Variants in TNFAIP3 observed in about 807,000 individuals in gnomAD.
TNFAIP3 encodes TNF alpha induced protein 3.
In TNFAIP3, 9 loss-of-function variants were observed where a neutral mutation model predicts 72.4. The ratio of observed to expected loss-of-function variants is 0.12; its 90% CI spans 0.07 to 0.22. The LOEUF (loss-of-function observed/expected upper bound fraction) is 0.22. TNFAIP3 is among the 10% of genes least tolerant of loss of function. The pLI, the probability that TNFAIP3 is intolerant of heterozygous loss-of-function variation, is 1.00. For missense variants in TNFAIP3, 833 were observed against 1,018.7 expected (o/e 0.82, Z 2.48); for synonymous variants, 339 against 372.6 (o/e 0.91, Z 1.04).
In TNFAIP3 at chr6:137,878,770, C is replaced by G. The variant is rs894381079; in HGVS notation, c.1325C>G (p.Ala442Gly). Residue 442 changes from alanine (A) to glycine (G), a missense_variant, in exon 7 of 9, where the codon GCC becomes GGC. Physicochemically the swap from Ala to Gly is moderately conservative, Grantham distance 60. Transcript: ENST00000612899. ...GMALGASRGE[A>G]YEPLAWNPEE... ...GCGCTCGGGGCCTCTCGGGGAGAAG[C>G]CTATGAGCCCTTGGCGTGGAACCCT... is the stretch of plus-strand genomic sequence containing the variant. 1 of 1,614,116 alleles carries G rather than the reference C, an allele frequency of 6.2e-7. No homozygotes were observed. The highest frequency in any genetic ancestry group is 8.5e-7 in the Non-Finnish European group (1 of 1,180,040).
At position 137,879,362 on chromosome 6, in the gene TNFAIP3, T is replaced by G; in HGVS notation, c.1906+11T>G. ...ACAGAGAAAACAAACGTGAGTGAAG[T>G]GGTTGACTTCCTAACACAGCGGCTG... On this transcript the variant is annotated intron_variant, in intron 7 of 8. Coordinates refer to ENST00000612899, the MANE Select transcript of TNFAIP3 (RefSeq NM_001270508.2). 6.2e-7 allele frequency: 1 copy of G among 1,606,300 alleles called. No homozygotes were observed. Among genetic ancestry groups the G allele is most frequent in the Non-Finnish European group, 8.5e-7 (1 of 1,174,614 alleles).
Position 137,880,123 on chromosome 6 carries a change from C to T in TNFAIP3, c.1959C>T (p.Asn653=), listed in dbSNP as rs1215595558. The T allele has an allele frequency of 1.9e-6, 3 of 1,614,030 alleles. No individual in the cohort carries two copies. Among genetic ancestry groups the T allele is most frequent in the Admixed American group, 1.7e-5 (1 of 60,004 alleles). Residue 653 remains asparagine (N), a synonymous_variant, in exon 8 of 9, where the codon AAC becomes AAT. Transcript: ENST00000612899. The part of the protein sequence containing the change: ...KVSPTASRFQ[N]TIPCLGRECG... ...GTCCCACAGCGTCCAGGTTCCAGAA[C>T]ACCATTCCGTGCCTGGGGAGGGAAT...
At position 137,879,282 on chromosome 6, in the gene TNFAIP3, G is replaced by A. The variant is rs778025601; in HGVS notation, c.1837G>A (p.Val613Met). ...GAGCAAGTGCAGAAAAGCCGGCTGC[G>A]TGTATTTTGGGACTCCAGAAAACAA... ...GTSKCRKAGC[V>M]YFGTPENKGF... The change falls in exon 7 of 9, where the codon GTG becomes ATG. Residue 613 changes from valine to methionine, a missense_variant. This residue lies in a region of TNFAIP3 where 587 missense variants were observed against 657.8 expected (regional missense o/e 0.89). Transcript: ENST00000612899. 29 of 1,614,114 alleles carry A rather than the reference G, an allele frequency of 1.8e-5. No individual in the cohort carries two copies. The highest frequency in any genetic ancestry group is 5.3e-5 in the African/African-American group (4 of 74,938).
At chr6:137,869,691 G>A (rs191024261) in intron 1 of TNFAIP3, among the ~76,000 whole-genome samples, 1 of 152,308 alleles carries the variant, frequency 6.6e-6, no homozygotes, top group East Asian at 1.9e-4. Context: ...TATCAATGGT[G>A]TTGAGAGTCT....
At chr6:137,879,632 G>A (rs567245436) in intron 7 of TNFAIP3, among the ~76,000 whole-genome samples, 1 of 152,302 alleles carries the variant, frequency 6.6e-6, no homozygotes, top group South Asian at 2.1e-4. Context: ...AGACCATTCA[G>A]GTCTGGCATA....
chr6:137,878,127 T>C (rs958062752), intron 6 of TNFAIP3, among the ~76,000 whole-genome samples: 12 of 152,246 alleles, frequency 7.9e-5, no homozygotes, highest in African/African-American at 2.9e-4. Context: ...TTCTTAGCCC[T>C]TGTTTTAGAA....
intron 6 of TNFAIP3, among the ~76,000 whole-genome samples, chr6:137,877,693 T>C (rs984746835): frequency 3.3e-5 from 5 of 152,228 alleles, no homozygotes; most frequent in African/African-American, 4.8e-5. Flanking sequence ...TGTAGAATTG[T>C]TTATGTTGCA....
At position 137,879,047 on chromosome 6, in the gene TNFAIP3, G is replaced by T; in HGVS notation, c.1602G>T (p.Gly534=). Residue 534 remains glycine, a synonymous_variant, in exon 7 of 9, where the codon GGG becomes GGT. Transcript: ENST00000612899. ...AGGATGTTACCAGGACATTTAATGG[G>T]ATCTGCAGTACTTGCTTCAAAAGGA... ...CLQDVTRTFN[G]ICSTCFKRTT... is the part of the protein sequence containing the mutation. 1 of 1,614,220 alleles carries T rather than the reference G, an allele frequency of 6.2e-7. No homozygotes were observed. Among genetic ancestry groups the T allele is most frequent in the Non-Finnish European group, 8.5e-7 (1 of 1,180,046 alleles).
rs763827898 is a variant in TNFAIP3, at chr6:137,877,082, G to A, written c.812G>A (p.Arg271Gln). The part of the protein sequence containing the change: ...VTLKDSGPEI[R>Q]AVPLVNRDRG... Reference sequence around the variant, plus strand: ...GTATTATTTTTTTCCTTAGAAATCCGAGCTGTTCCACTTGTTAACAGAGAC... The same window carrying A: ...GTATTATTTTTTTCCTTAGAAATCCAAGCTGTTCCACTTGTTAACAGAGAC... Residue 271 changes from arginine (R) to glutamine (Q), a missense_variant, in exon 6 of 9, where the codon CGA (arginine) becomes CAA (glutamine). Around this residue, in one of 2 missense-constraint regions of TNFAIP3, gnomAD observed 246 missense variants for 360.9 expected, o/e 0.68. Coordinates refer to ENST00000612899, the MANE Select transcript of TNFAIP3 (RefSeq NM_001270508.2). 1.4e-5 allele frequency: 23 copies of A among 1,593,362 alleles called. No homozygotes were observed. Among genetic ancestry groups the A allele is most frequent in the Non-Finnish European group, 1.7e-5 (20 of 1,168,848 alleles).
chr6:137,875,850 G>C lies in TNFAIP3; in HGVS notation c.634+15G>C, dbSNP rs531456508. The C allele has an allele frequency of 6.2e-7, 1 of 1,614,126 alleles. No individual in the cohort carries two copies. The highest frequency in any genetic ancestry group is 1.1e-5 in the South Asian group (1 of 91,070). The stretch of plus-strand genomic sequence containing the variant: ...TGTCATTTCAGGTGAGATGCCTGCA[G>C]ATCACGGATCTGTACTTAAATGCTT... On this transcript the variant is annotated intron_variant, in intron 4 of 8. Transcript: ENST00000612899.
chr6:137,873,460 T>C (rs776328502), intron 2 of TNFAIP3, among the ~76,000 whole-genome samples: 2 of 152,172 alleles, frequency 1.3e-5, no homozygotes, highest in Non-Finnish European at 2.9e-5. Flanking sequence ...CCACACCCAC[T>C]TGGAAAGTCC....
intron 5 of TNFAIP3, among the ~76,000 whole-genome samples, chr6:137,876,646 C>G (rs1776258377): frequency 6.6e-6 from 1 of 152,180 alleles, no homozygotes; most frequent in African/African-American, 2.4e-5. Context: ...AAGCACTGTG[C>G]TTTGGAAATA....
intron 6 of TNFAIP3, among the ~76,000 whole-genome samples, chr6:137,877,876 T>G (rs1388698567): frequency 1.3e-5 from 2 of 152,172 alleles, no homozygotes; most frequent in African/African-American, 4.8e-5. Context: ...ATGTGGAGAT[T>G]AGCAAATTAC....
upstream of TNFAIP3, chr6:137,867,147 G>A (rs1775864090): frequency 1.3e-5 from 2 of 151,676 alleles, no homozygotes; most frequent in East Asian, 3.9e-4. This position sits in a 1 kb window ranked among gnomAD's most constrained non-coding sequence, Gnocchi z 6.0. Context: ...TCTGGCGGCC[G>A]GCTGGACGCA....
At chr6:137,876,864 G>C (rs1198264382) in intron 5 of TNFAIP3, among the ~76,000 whole-genome samples, 1 of 152,094 alleles carries the variant, frequency 6.6e-6, no homozygotes, top group Admixed American at 6.5e-5. Context: ...ACCACCTCCA[G>C]GCTGGTTAAT....
intron 1 of TNFAIP3, among the ~76,000 whole-genome samples, chr6:137,870,207 C>T (rs1383206533): frequency 1.3e-5 from 2 of 152,154 alleles, no homozygotes; most frequent in Non-Finnish European, 2.9e-5. Context: ...ATTTCATTGG[C>T]AGTTGAGTTA....
rs746202796 is a variant in TNFAIP3, at chr6:137,871,562, A to T, written c.295+40A>T. ...GTTGTGTTTCTTTTGCCTGGGTGAT[A>T]GCTCCCGCCTGCTGGATCCCCATTC... On this transcript the variant is annotated intron_variant, in intron 2 of 8. Transcript: ENST00000612899. The surrounding 1 kb of genome is among the most constrained non-coding windows in gnomAD (Gnocchi z 4.2). The T allele has an allele frequency of 3.8e-6, 6 of 1,595,718 alleles. No individual in the cohort carries two copies. The South Asian group carries it at 6.7e-5, about 18-fold the overall frequency.
chr6:137,878,765 A>G lies in TNFAIP3; in HGVS notation c.1320A>G (p.Gly440=), dbSNP rs756184125. 1.2e-6 allele frequency: 2 copies of G among 1,613,862 alleles called. No homozygotes were observed. The highest frequency in any genetic ancestry group is 1.7e-6 in the Non-Finnish European group (2 of 1,179,990). ...GCATGGCGCTCGGGGCCTCTCGGGG[A>G]GAAGCCTATGAGCCCTTGGCGTGGA... ...LPGMALGASR[G]EAYEPLAWNP... Residue 440 remains glycine (G), a synonymous_variant, in exon 7 of 9, where the codon GGA becomes GGG. Coordinates refer to ENST00000612899, the MANE Select transcript of TNFAIP3 (RefSeq NM_001270508.2).
chr6:137,868,041 G>T, intron 1 of TNFAIP3: 1 of 153,672 alleles, frequency 6.5e-6, no homozygotes, highest in Non-Finnish European at 1.5e-5. Flanking sequence ...CAGCTTCCCA[G>T]ACGCTCACGG....
Sources: allele counts gnomAD v4.1 joint callset (sites outside exome capture counted in the v4.1 genomes callset), GRCh38; gene constraint gnomAD v4.1.1; regional missense constraint gnomAD v4.1.1; non-coding constraint Gnocchi (gnomAD v3.1); transcripts MANE v1.5; gene names NCBI Gene and HGNC (gene_info 2026-07-23, HGNC 2026-07-21).